The following WDSUB1 variants were observed in gnomAD, a reference collection of about 807,000 sequenced individuals.
WDSUB1 encodes the protein WD repeat, SAM and U-box domain-containing protein 1.
WDSUB1 carries 49 observed loss-of-function variants against 53.9 expected under a neutral mutation model. The observed-to-expected ratio is 0.91, with a 90% CI of 0.72 to 1.15. The LOEUF (loss-of-function observed/expected upper bound fraction) is 1.15, where lower values mean the gene tolerates loss of function less well. WDSUB1 is among the 50% of genes most tolerant of loss of function. The probability of loss-of-function intolerance (pLI) is 0.00; values close to 1 mark genes in which losing one functional copy is unlikely to be tolerated. For synonymous variants in WDSUB1, 194 were observed against 200.6 expected, an observed-to-expected ratio of 0.97 and a Z score of 0.28; for missense variants, 514 against 562.0, an observed-to-expected ratio of 0.91 and a Z score of 0.86.
chr2:159,261,429 T>C (rs930526216), intron 5 of WDSUB1, among the ~76,000 whole-genome samples: 1 of 152,222 alleles, frequency 6.6e-6, no homozygotes, highest in Non-Finnish European at 1.5e-5. Flanking sequence ...CTTTCAATGT[T>C]AAACTGCATC....
At chr2:159,285,725 G>C (rs946584948) in intron 1 of WDSUB1, among the ~76,000 whole-genome samples, 1 of 152,056 alleles carries the variant, frequency 6.6e-6, no homozygotes, top group Non-Finnish European at 1.5e-5. Flanking sequence ...CAAATATTAA[G>C]GCATAAGGAG....
At chr2:159,260,471 G>A (rs2061165278) in intron 5 of WDSUB1, among the ~76,000 whole-genome samples, 1 of 152,126 alleles carries the variant, frequency 6.6e-6, no homozygotes, top group Non-Finnish European at 1.5e-5. Flanking sequence ...AAACCACAAG[G>A]AAAAGCTATT....
intron 10 of WDSUB1, among the ~76,000 whole-genome samples, chr2:159,243,306 G>C (rs563037919): frequency 6.8e-6 from 1 of 147,554 alleles, no homozygotes; most frequent in Non-Finnish European, 1.5e-5. Context: ...GGCTGGGGTC[G>C]GAAGACAGTA....
intron 4 of WDSUB1, 41 bp from the exon 5 acceptor site, chr2:159,271,836 G>A: frequency 1.3e-6 from 2 of 1,510,776 alleles, no homozygotes; most frequent in Non-Finnish European, 1.8e-6. Flanking sequence ...AGCTGACCAT[G>A]CTTAGAATTG....
intron 10 of WDSUB1, among the ~76,000 whole-genome samples, chr2:159,247,341 G>C (rs2060821607): frequency 6.6e-6 from 1 of 152,120 alleles, no homozygotes; most frequent in Non-Finnish European, 1.5e-5. Flanking sequence ...TATCAGAGAA[G>C]ATGAATAGAT....
chr2:159,276,100 C>A (rs1299505250), intron 3 of WDSUB1, among the ~76,000 whole-genome samples: 1 of 151,830 alleles, frequency 6.6e-6, no homozygotes, highest in African/African-American at 2.4e-5. Flanking sequence ...GCTCTGATGC[C>A]CAGGCTGGAG....
At chr2:159,248,318 T>G in intron 10 of WDSUB1, 54 bp downstream of exon 10, 1 of 1,578,922 alleles carries the variant, frequency 6.3e-7, no homozygotes, top group Non-Finnish European at 8.5e-7. Flanking sequence ...GTCTAAACTT[T>G]TTATTCATTT....
rs1275687014 is a variant in WDSUB1 at position 159,236,003 on chromosome 2, G to GA, written c.*29dup. Reference sequence around the variant, plus strand: ...TATAAATCATTCAAATGAGATCACTGAAAATATAAATAATACAATATCAAC... The same window carrying GA: ...TATAAATCATTCAAATGAGATCACTGAAAAATATAAATAATACAATATCAAC... On this transcript the variant is annotated 3_prime_UTR_variant, in exon 11 of 11. Coordinates refer to ENST00000359774, the MANE Select transcript of WDSUB1 (RefSeq NM_001128212.3). The GA allele has an allele frequency of 6.4e-7, 1 of 1,558,906 alleles. No individual in the cohort carries two copies. Among genetic ancestry groups the GA allele is most frequent in the Non-Finnish European group, 8.7e-7 (1 of 1,155,960 alleles).
At chr2:159,243,762 A>G (rs1048526038) in intron 10 of WDSUB1, among the ~76,000 whole-genome samples, 2 of 152,204 alleles carry the variant, frequency 1.3e-5, no homozygotes, top group East Asian at 3.9e-4. Flanking sequence ...TCTCCTAGGA[A>G]TATAGCCAAC....
At chr2:159,255,639 T>C (rs1194473351) in intron 9 of WDSUB1, among the ~76,000 whole-genome samples, 1 of 152,186 alleles carries the variant, frequency 6.6e-6, no homozygotes, top group Non-Finnish European at 1.5e-5. Flanking sequence ...CGTACTATGT[T>C]TACTATGTAA....
chr2:159,275,362 T>C (rs1050181355), intron 4 of WDSUB1, among the ~76,000 whole-genome samples, 184 bp downstream of exon 4: 4 of 152,166 alleles, frequency 2.6e-5, no homozygotes, highest in African/African-American at 9.7e-5. Context: ...GTAGAATGGG[T>C]GAGGTCATGA....
chr2:159,277,933 T>C (rs1575492859), intron 3 of WDSUB1, among the ~76,000 whole-genome samples: 1 of 152,096 alleles, frequency 6.6e-6, no homozygotes, highest in Non-Finnish European at 1.5e-5. Context: ...GGGATGTGGG[T>C]ATCATTTCAG....
intron 10 of WDSUB1, among the ~76,000 whole-genome samples, chr2:159,236,862 T>TCACCC (rs1272017476): frequency 6.6e-6 from 1 of 152,060 alleles, no homozygotes; most frequent in African/African-American, 2.4e-5. Flanking sequence ...CTCAGGTGAT[T>TCACCC]CACCCACCTT....
chr2:159,268,440 T>C (rs1423507000), intron 5 of WDSUB1, among the ~76,000 whole-genome samples: 1 of 152,258 alleles, frequency 6.6e-6, no homozygotes, highest in Non-Finnish European at 1.5e-5. Context: ...ATAATCTTCA[T>C]CTTTAGAGAT....
At chr2:159,253,037 G>A (rs552613667) in intron 9 of WDSUB1, among the ~76,000 whole-genome samples, 74 of 152,276 alleles carry the variant, frequency 4.9e-4, no homozygotes, top group African/African-American at 1.6e-3. Flanking sequence ...GCAATCTGCC[G>A]CATTCCCAAG....
chr2:159,264,631 G>A (rs372566710), intron 5 of WDSUB1, among the ~76,000 whole-genome samples: 1 of 152,164 alleles, frequency 6.6e-6, no homozygotes. Context: ...CTGGGCCATG[G>A]AGCTGAGCCC....
intron 2 of WDSUB1, among the ~76,000 whole-genome samples, chr2:159,282,434 C>A (rs955068216): frequency 7.3e-5 from 11 of 149,702 alleles, no homozygotes; most frequent in African/African-American, 2.3e-4. Flanking sequence ...CCTCGTGATC[C>A]GCCTGCCTTG....
chr2:159,257,605 C>G (rs2061092859), intron 8 of WDSUB1, among the ~76,000 whole-genome samples, 153 bp downstream of exon 8: 1 of 151,994 alleles, frequency 6.6e-6, no homozygotes, highest in African/African-American at 2.4e-5. Flanking sequence ...CCAGGCTGGT[C>G]TCGAACTTCT....
intron 8 of WDSUB1, 93 bp downstream of exon 8, chr2:159,257,665 G>A: frequency 9.2e-7 from 1 of 1,089,214 alleles, no homozygotes; most frequent in East Asian, 2.5e-5. Context: ...TGGGATTACA[G>A]GTGTGAGCCG....
Sources: allele counts gnomAD v4.1 joint callset (sites outside exome capture counted in the v4.1 genomes callset), GRCh38; gene constraint gnomAD v4.1.1; transcripts MANE v1.5; gene names NCBI Gene and HGNC (gene_info 2026-07-23, HGNC 2026-07-21).